The following TTC38 variants were observed in gnomAD, a reference collection of about 807,000 sequenced individuals.
TTC38 encodes tetratricopeptide repeat protein 38.
Under a neutral mutation model 64.2 loss-of-function variants are expected in TTC38, and 64 were observed. The ratio of observed to expected loss-of-function variants is 1.00; its 90% CI spans 0.81 to 1.23. TTC38 has a LOEUF of 1.23. Ranked by LOEUF, TTC38 falls within the 50% of genes most tolerant of loss-of-function variation. TTC38 has a pLI of 0.00. For missense variants in TTC38, 573 were observed against 615.5 expected (o/e 0.93, Z 0.73); for synonymous variants, 254 against 249.3 (o/e 1.02, Z -0.18).
rs576480168 is a variant in TTC38 at position 46,292,326 on chromosome 22, G to A, written c.1317-465G>A. The A allele has an allele frequency of 5.4e-6, 2 of 370,786 alleles. No individual in the cohort carries two copies. Among genetic ancestry groups the A allele is most frequent in the East Asian group, 7.6e-5 (1 of 13,236 alleles). 23.0% of individuals were successfully genotyped at this position (370,786 alleles called of 1,614,324 possible). A position where few individuals can be genotyped will look rare whatever the true frequency, so the allele number is the denominator to read the frequency against. ...ATCCTTCCATCGTGCAGGGATTACA[G>A]GGGTGAGCCACCACACCTATCTCTT... On this transcript the variant is annotated intron_variant, in intron 13 of 13. Transcript: ENST00000381031. This position sits in a 1 kb window ranked among gnomAD's most constrained non-coding sequence, Gnocchi z 6.5.
At position 46,270,115 on chromosome 22, in the gene TTC38, C is replaced by T. The variant is rs892345433; in HGVS notation, c.111+1524C>T. On this transcript the variant is annotated intron_variant, in intron 2 of 13. Coordinates refer to ENST00000381031, the MANE Select transcript of TTC38 (RefSeq NM_017931.4). The surrounding 1 kb of genome is among the most constrained non-coding windows in gnomAD (Gnocchi z 4.7). Reference sequence around the variant, plus strand: ...CCCCTAGTACTCAGTTTGTTACACACCACATCCCCAATCAGTGGCAGCTCA... The same window carrying T: ...CCCCTAGTACTCAGTTTGTTACACATCACATCCCCAATCAGTGGCAGCTCA... 8.5e-5 allele frequency among the ~76,000 whole-genome samples: 13 copies of T among 152,260 alleles called. No homozygotes were observed. Among genetic ancestry groups the T allele is most frequent in the Middle Eastern group, 3.4e-3 (1 of 294 alleles).
intron 2 of TTC38, among the ~76,000 whole-genome samples, chr22:46,269,983 G>A (rs1246710404): frequency 1.3e-5 from 2 of 152,100 alleles, no homozygotes; most frequent in Non-Finnish European, 1.5e-5. Flanking sequence ...TAGTAGAGAC[G>A]GGGTTTCACC....
intron 5 of TTC38, among the ~76,000 whole-genome samples, chr22:46,277,058 C>T (rs984420992): frequency 1.5e-4 from 22 of 148,224 alleles, no homozygotes; most frequent in African/African-American, 5.4e-4. Context: ...CACACACACA[C>T]ACACACACAC....
Position 46,283,984 on chromosome 22 carries a change from G to A in TTC38, c.747G>A (p.Met249Ile), listed in dbSNP as rs748360022. ...HSETFWKDSDMLACHNYWHWA... is the reference protein window; with the variant it reads ...HSETFWKDSDILACHNYWHWA... Reference sequence around the variant, plus strand: ...TTTTTTTTCTCCAGGACTCTGATATGTTGGCTTGTCATAACTATTGGCACT... The same window carrying A: ...TTTTTTTTCTCCAGGACTCTGATATATTGGCTTGTCATAACTATTGGCACT... The change falls in exon 8 of 14, where the codon ATG becomes ATA. Residue 249 changes from methionine (M) to isoleucine (I), a missense_variant. Met to Ile is a conservative substitution (Grantham distance 10). Around this residue, in one of 3 missense-constraint regions of TTC38, gnomAD observed 371 missense variants for 381.8 expected, o/e 0.97. Transcript: ENST00000381031. 6.9e-7 allele frequency: 1 copy of A among 1,442,444 alleles called. No homozygotes were observed. Among genetic ancestry groups the A allele is most frequent in the Non-Finnish European group, 9.4e-7 (1 of 1,068,806 alleles). The allele number at this position is 1,442,444 out of a possible 1,614,324, so 89.4% of individuals were successfully genotyped here.
intron 7 of TTC38, among the ~76,000 whole-genome samples, chr22:46,283,577 C>T (rs941879143): frequency 6.6e-6 from 1 of 152,100 alleles, no homozygotes. Context: ...TGTGGCTAGG[C>T]GCGGTGGCTC....
At chr22:46,286,951 C>T (rs1235309903) in intron 9 of TTC38, 122 bp from the exon 10 acceptor site, 6 of 678,282 alleles carry the variant, frequency 8.8e-6, no homozygotes, top group Non-Finnish European at 1.5e-5. Flanking sequence ...GTGATGGGGA[C>T]AGTGGCAGAG....
chr22:46,269,600 G>T (rs867299088), intron 2 of TTC38, among the ~76,000 whole-genome samples: 1 of 152,234 alleles, frequency 6.6e-6, no homozygotes, highest in Non-Finnish European at 1.5e-5. Context: ...GGAGGACTCA[G>T]GTAGCTCTTA....
At position 46,281,677 on chromosome 22, in the gene TTC38, G is replaced by T. The variant is rs1351667934; in HGVS notation, c.694G>T (p.Asp232Tyr). Reference protein sequence around the residue: ...HIHEMKAEIKDGLEFMQHSET... With the variant: ...HIHEMKAEIKYGLEFMQHSET... ...CCACGAGATGAAAGCAGAGATCAAG[G>T]ATGGGTTGGAATTCATGCAGCACTC... The change falls in exon 7 of 14, where the codon GAT (aspartate) becomes TAT (tyrosine). Residue 232 changes from aspartate (D) to tyrosine (Y), a missense_variant. By Grantham distance (160) the Asp-to-Tyr change is radical. Around this residue, in one of 3 missense-constraint regions of TTC38, gnomAD observed 371 missense variants for 381.8 expected, o/e 0.97. Transcript: ENST00000381031. The surrounding 1 kb of genome is among the most constrained non-coding windows in gnomAD (Gnocchi z 5.2). 3.1e-6 allele frequency: 5 copies of T among 1,614,042 alleles called. No homozygotes were observed. The Admixed American group carries it at 6.7e-5, about 22-fold the overall frequency.
rs1294456107 is a variant in TTC38, at chr22:46,282,909, C to A, written c.736-1064C>A. On this transcript the variant is annotated intron_variant, in intron 7 of 13. Coordinates refer to ENST00000381031, the MANE Select transcript of TTC38 (RefSeq NM_017931.4). This position sits in a 1 kb window ranked among gnomAD's most constrained non-coding sequence, Gnocchi z 4.4. The stretch of plus-strand genomic sequence containing the variant: ...CACCTGTTGGAGTGTGGCCCTGGGC[C>A]TGTTGATCTCTGCAGGTTTTTGTTT... Among the ~76,000 whole-genome samples, 1 of 152,148 alleles carries A rather than the reference C, an allele frequency of 6.6e-6. No individual in the cohort carries two copies. The highest frequency in any genetic ancestry group is 6.5e-5 in the Admixed American group (1 of 15,274).
chr22:46,269,095 C>CG (rs201857220), intron 2 of TTC38: 1 of 422,098 alleles, frequency 2.4e-6, no homozygotes. Flanking sequence ...TCTGCCCCCC[C>CG]CCCACAGCGT....
At chr22:46,285,004 G>A (rs2077561388) in intron 8 of TTC38, among the ~76,000 whole-genome samples, 1 of 152,090 alleles carries the variant, frequency 6.6e-6, no homozygotes. Flanking sequence ...TTTCTTCAGT[G>A]GTGGCGGCAC....
Position 46,281,734 on chromosome 22 carries a change from A to G in TTC38, c.735+16A>G. On this transcript the variant is annotated intron_variant, in intron 7 of 13. Transcript: ENST00000381031. This position sits in a 1 kb window ranked among gnomAD's most constrained non-coding sequence, Gnocchi z 5.2. ...CTTCTGGAAGGTATGATGCTTGTCAATGGGTCACCTCCCTGGGAAATTCAG... is the reference window on the plus strand; with the variant it reads ...CTTCTGGAAGGTATGATGCTTGTCAGTGGGTCACCTCCCTGGGAAATTCAG... 6.2e-7 allele frequency: 1 copy of G among 1,613,428 alleles called. No homozygotes were observed. Among genetic ancestry groups the G allele is most frequent in the Non-Finnish European group, 8.5e-7 (1 of 1,179,960 alleles).
intron 9 of TTC38, among the ~76,000 whole-genome samples, chr22:46,285,842 G>A (rs1601881712): frequency 2.6e-5 from 4 of 151,488 alleles, no homozygotes; most frequent in South Asian, 2.1e-4. Context: ...GTGAAACGCT[G>A]TCTCTACTAA....
chr22:46,289,744 G>A, intron 12 of TTC38, 82 bp from the exon 13 acceptor site: 1 of 1,528,040 alleles, frequency 6.5e-7, no homozygotes, highest in South Asian at 1.1e-5. Flanking sequence ...TCTCCCTGGA[G>A]AGCAGGCAGC....
chr22:46,288,514 C>T lies in TTC38; in HGVS notation c.1008C>T (p.Phe336=), dbSNP rs529461928. 4 of 1,614,072 alleles carry T rather than the reference C, an allele frequency of 2.5e-6. No homozygotes were observed. The East Asian group carries it at 8.9e-5, about 36-fold the overall frequency. The change falls in exon 11 of 14, where the codon TTC becomes TTT. Residue 336 remains phenylalanine, a synonymous_variant. Transcript: ENST00000381031. ...TCCTGCTGTTCAATGACGCACACTT[C>T]CTGATGGCATCCCTGGGTGCACACG... ...DHILLFNDAH[F]LMASLGAHDP...
Position 46,274,205 on chromosome 22 carries a change from G to A in TTC38, c.365+136G>A. The A allele has an allele frequency of 1.3e-6, 1 of 788,492 alleles. No individual in the cohort carries two copies. The allele number at this position is 788,492 out of a possible 1,614,324, so 48.8% of individuals were successfully genotyped here. A position where few individuals can be genotyped will look rare whatever the true frequency, so the allele number is the denominator to read the frequency against. ...CTCTCCCTGCCTCCTGAGATGCTCT[G>A]ATGGAAAATCGCATCCTGTCTGCTT... On this transcript the variant is annotated intron_variant, in intron 4 of 13. Transcript: ENST00000381031. This position sits in a 1 kb window ranked among gnomAD's most constrained non-coding sequence, Gnocchi z 4.8.
In TTC38 at chr22:46,272,619, C is replaced by G. The variant is rs1936919775; in HGVS notation, c.193+203C>G. ...CTCCCATAAAGATGCCAGGTTCTAT[C>G]AGAAGGCATTTTTCTCATCTTTTCT... On this transcript the variant is annotated intron_variant, in intron 3 of 13. Transcript: ENST00000381031. This position sits in a 1 kb window ranked among gnomAD's most constrained non-coding sequence, Gnocchi z 6.4. 6.6e-6 allele frequency among the ~76,000 whole-genome samples: 1 copy of G among 152,152 alleles called. No homozygotes were observed. The highest frequency in any genetic ancestry group is 2.4e-5 in the African/African-American group (1 of 41,420).
At position 46,274,201 on chromosome 22, in the gene TTC38, C is replaced by G. The variant is rs1936960008; in HGVS notation, c.365+132C>G. 2.5e-6 allele frequency: 2 copies of G among 800,596 alleles called. No homozygotes were observed. Among genetic ancestry groups the G allele is most frequent in the Non-Finnish European group, 3.9e-6 (2 of 514,182 alleles). The allele number at this position is 800,596 out of a possible 1,614,324, so 49.6% of individuals were successfully genotyped here. ...GCTTCTCTCCCTGCCTCCTGAGATGCTCTGATGGAAAATCGCATCCTGTCT... is the reference window on the plus strand; with the variant it reads ...GCTTCTCTCCCTGCCTCCTGAGATGGTCTGATGGAAAATCGCATCCTGTCT... On this transcript the variant is annotated intron_variant, in intron 4 of 13. Coordinates refer to ENST00000381031, the MANE Select transcript of TTC38 (RefSeq NM_017931.4). This position sits in a 1 kb window ranked among gnomAD's most constrained non-coding sequence, Gnocchi z 4.8.
intron 5 of TTC38, 131 bp from the exon 6 acceptor site, chr22:46,278,455 G>C: frequency 4.1e-6 from 3 of 734,222 alleles, no homozygotes; most frequent in Non-Finnish European, 7.2e-6. Flanking sequence ...CCTCTGCAAA[G>C]ACCCTATTTC....
Sources: gnomAD v4.1 joint callset for allele counts (sites outside exome capture counted in the v4.1 genomes callset) on GRCh38, gnomAD v4.1.1 for gene constraint, gnomAD v4.1.1 regional missense constraint, Gnocchi (gnomAD v3.1) non-coding constraint, MANE v1.5 for transcripts, NCBI Gene and HGNC (gene_info 2026-07-23, HGNC 2026-07-21) for gene names.